VAMP7: variants seen among roughly 807,000 people sequenced by gnomAD.
VAMP7 encodes the protein vesicle associated membrane protein 7, also known as vesicle-associated membrane protein 7.
Under a neutral mutation model 29.6 loss-of-function variants are expected in VAMP7, and 14 were observed. The ratio of observed to expected loss-of-function variants is 0.47; its 90% confidence interval spans 0.31 to 0.74. VAMP7 has a LOEUF of 0.74. Among genes scored for constraint, VAMP7 ranks in the 30% least tolerant of loss-of-function variants. The pLI is 0.05. For missense variants in VAMP7, 223 were observed against 262.4 expected, an observed-to-expected ratio of 0.85 and a Z score of 1.04; for synonymous variants, 95 against 88.1, an observed-to-expected ratio of 1.08 and a Z score of -0.44.
At chrX:155,937,675 C>T (rs2066682175) in intron 6 of VAMP7, among the ~76,000 whole-genome samples, 1 of 152,006 alleles carries the variant, frequency 6.6e-6, no homozygotes, top group African/African-American at 2.4e-5. Flanking sequence ...GTGGGTAGGT[C>T]CTTTTAGTCT....
chrX:155,918,571 G>T (rs1386862796), intron 5 of VAMP7, among the ~76,000 whole-genome samples: 1 of 152,064 alleles, frequency 6.6e-6, no homozygotes, highest in African/African-American at 2.4e-5. Flanking sequence ...GGAGTTCCCC[G>T]ACCCCTTGTG....
intron 6 of VAMP7, among the ~76,000 whole-genome samples, chrX:155,928,757 A>T (rs2066506638): frequency 6.6e-6 from 1 of 152,182 alleles, no homozygotes; most frequent in Non-Finnish European, 1.5e-5. Context: ...GGCAACATTT[A>T]ACAATTGTTC....
At chrX:155,903,592 AAC>A (rs1363001220) in intron 5 of VAMP7, among the ~76,000 whole-genome samples, 2 of 152,066 alleles carry the variant, frequency 1.3e-5, no homozygotes, top group African/African-American at 2.4e-5. Context: ...GCAGCCAAAA[AAC>A]ACATGAAAAA....
intron 7 of VAMP7, among the ~76,000 whole-genome samples, chrX:155,940,969 T>C (rs376071371): frequency 1.3e-5 from 2 of 152,214 alleles, no homozygotes; most frequent in African/African-American, 4.8e-5. Context: ...TTTCCAAGCT[T>C]GCAAATAATG....
chrX:155,933,011 AT>A (rs1450034478), intron 6 of VAMP7, among the ~76,000 whole-genome samples: 1 of 151,994 alleles, frequency 6.6e-6, no homozygotes, highest in Non-Finnish European at 1.5e-5. Flanking sequence ...ACATTTATTG[AT>A]TTGTATATGT....
intron 6 of VAMP7, among the ~76,000 whole-genome samples, chrX:155,936,535 A>T (rs1273759781): frequency 2.6e-5 from 4 of 152,196 alleles, no homozygotes; most frequent in Admixed American, 2.0e-4. Flanking sequence ...GCTGTTTGCT[A>T]AGACCGTTGG....
intron 6 of VAMP7, among the ~76,000 whole-genome samples, chrX:155,926,833 A>G (rs1371818300): frequency 6.6e-6 from 1 of 152,164 alleles, no homozygotes; most frequent in Non-Finnish European, 1.5e-5. Flanking sequence ...CATAGATGCC[A>G]TTGTAAGGTT....
At chrX:155,924,946 A>G (rs1042279105) in intron 6 of VAMP7, among the ~76,000 whole-genome samples, 2 of 152,222 alleles carry the variant, frequency 1.3e-5, no homozygotes, top group Admixed American at 1.3e-4. Context: ...AACAGTGTTC[A>G]CAGCATCTTC....
chrX:155,923,745 G>T (rs920974670), intron 6 of VAMP7, among the ~76,000 whole-genome samples: 3 of 151,984 alleles, frequency 2.0e-5, no homozygotes, highest in African/African-American at 7.2e-5. Flanking sequence ...TAGGCTTCCA[G>T]TGACATCTGT....
Position 155,898,255 on chromosome X carries a change from A to C in VAMP7, c.342+6A>C. On this transcript the variant is annotated splice_donor_region_variant and intron_variant, in intron 4 of 7. Coordinates refer to ENST00000286448, the MANE Select transcript of VAMP7 (RefSeq NM_005638.6). ...GTGTCTTAGCTGCACAGCTGGTAAG[A>C]TCTTTCTCAGGATAAGGTATTTTGA... 6.2e-7 allele frequency: 1 copy of C among 1,612,602 alleles called. No individual in the cohort carries two copies. Among genetic ancestry groups the C allele is most frequent in the Non-Finnish European group, 8.5e-7 (1 of 1,179,298 alleles).
Position 155,919,879 on chromosome X carries a change from C to T in VAMP7, c.500C>T (p.Ser167Phe), listed in dbSNP as rs2066370376. ...GACAAAACAGAAAATCTTGTGGATT[C>T]TGTAAGTATGGAATCTGATAATATG... Reference protein sequence around the residue: ...LIDKTENLVDSSVTFKTTSRN... With the variant: ...LIDKTENLVDFSVTFKTTSRN... Residue 167 changes from serine to phenylalanine, a missense_variant and splice_region_variant, in exon 6 of 8, where the codon TCT becomes TTT. Coordinates refer to ENST00000286448, the MANE Select transcript of VAMP7 (RefSeq NM_005638.6). The T allele has an allele frequency of 6.2e-7, 1 of 1,610,718 alleles. No homozygotes were observed. Among genetic ancestry groups the T allele is most frequent in the South Asian group, 1.1e-5 (1 of 90,668 alleles).
In VAMP7 at chrX:155,942,232, A is replaced by T; in HGVS notation, c.*281A>T. The T allele has an allele frequency of 6.8e-7, 1 of 1,464,212 alleles. No individual in the cohort carries two copies. 90.7% of individuals were successfully genotyped at this position (1,464,212 alleles called of 1,614,324 possible). On this transcript the variant is annotated 3_prime_UTR_variant, in exon 8 of 8. Transcript: ENST00000286448. Reference sequence around the variant, plus strand: ...TAACTAGTGTCATCTATTTAGAGAAACATTTTTGTTTTTAATTGCTCAAAG... The same window carrying T: ...TAACTAGTGTCATCTATTTAGAGAATCATTTTTGTTTTTAATTGCTCAAAG...
At position 155,914,407 on chromosome X, in the gene VAMP7, G is replaced by A. The variant is rs758837552; in HGVS notation, c.434-5406G>A. 3.9e-5 allele frequency among the ~76,000 whole-genome samples: 6 copies of A among 152,264 alleles called. No homozygotes were observed. In the East Asian group the frequency reaches 7.7e-4, roughly 20 times the overall value. On this transcript the variant is annotated intron_variant, in intron 5 of 7. Transcript: ENST00000286448. ...GAACTTCCAATACTATGTTGAATAGGAGTGGTGAGGGAGGGCATCCTTGTC... is the reference window on the plus strand; with the variant it reads ...GAACTTCCAATACTATGTTGAATAGAAGTGGTGAGGGAGGGCATCCTTGTC...
At chrX:155,934,817 A>T (rs1363900087) in intron 6 of VAMP7, among the ~76,000 whole-genome samples, 1 of 152,086 alleles carries the variant, frequency 6.6e-6, no homozygotes, top group African/African-American at 2.4e-5. Context: ...ACAATTTGGC[A>T]TGTTTTTCCA....
At chrX:155,935,638 G>A (rs1349992569) in intron 6 of VAMP7, among the ~76,000 whole-genome samples, 4 of 151,732 alleles carry the variant, frequency 2.6e-5, no homozygotes, top group Admixed American at 6.6e-5. Flanking sequence ...TCTTTGTGCT[G>A]GGTTCAAACT....
chrX:155,902,845 C>G (rs1459052461), intron 5 of VAMP7, among the ~76,000 whole-genome samples: 5 of 150,790 alleles, frequency 3.3e-5, no homozygotes, highest in Admixed American at 2.6e-4. Context: ...TTGGTTGTGT[C>G]TCTGCCCGGC....
rs180831966 is a variant in VAMP7 at position 155,939,577 on chromosome X, T to C, written c.502-124T>C. On this transcript the variant is annotated intron_variant, in intron 6 of 7. Coordinates refer to ENST00000286448, the MANE Select transcript of VAMP7 (RefSeq NM_005638.6). The stretch of plus-strand genomic sequence containing the variant: ...CTATTGAGTATGAATGGCCAGTCTC[T>C]ACTTGTAAAGAGAGGTCATTGGACT... 1.4e-4 allele frequency: 105 copies of C among 763,308 alleles called. No individual in the cohort carries two copies. In the African/African-American group the frequency reaches 1.7e-3, roughly 12 times the overall value. The allele number at this position is 763,308 out of a possible 1,614,324, so 47.3% of individuals were successfully genotyped here. A position where few individuals can be genotyped will look rare whatever the true frequency, so the allele number is the denominator to read the frequency against.
At chrX:155,886,500 T>C (rs149870137) in intron 1 of VAMP7, among the ~76,000 whole-genome samples, 2,979 of 152,314 alleles carry the variant, frequency 0.02, 52 homozygotes, top group Non-Finnish European at 0.034. Context: ...TTCCTAGTTA[T>C]ATTCTGAATA....
At chrX:155,939,279 A>G (rs2066708487) in intron 6 of VAMP7, among the ~76,000 whole-genome samples, 1 of 151,448 alleles carries the variant, frequency 6.6e-6, no homozygotes, top group African/African-American at 2.5e-5. Flanking sequence ...AAGTAAATAC[A>G]TATCTTCCTA....
Sources: allele counts gnomAD v4.1 joint callset (sites outside exome capture counted in the v4.1 genomes callset), GRCh38; gene constraint gnomAD v4.1.1; transcripts MANE v1.5; gene names NCBI Gene and HGNC (gene_info 2026-07-23, HGNC 2026-07-21).